The following PARVB variants were observed in gnomAD, a reference collection of about 807,000 sequenced individuals.
PARVB encodes the protein beta-parvin.
In PARVB, 46 loss-of-function variants were observed where a neutral mutation model predicts 47.0. That is an observed-to-expected ratio of 0.98 (90% confidence interval 0.77 to 1.25). The LOEUF is 1.25. Ranked by LOEUF, PARVB falls within the 50% of genes most tolerant of loss-of-function variation. The probability of loss-of-function intolerance (pLI) is 0.00; values close to 1 mark genes in which losing one functional copy is unlikely to be tolerated. For synonymous variants in PARVB, 196 were observed against 196.3 expected, an observed-to-expected ratio of 1.00 and a Z score of 0.01; for missense variants, 473 against 471.6, an observed-to-expected ratio of 1.00 and a Z score of -0.03.
chr22:44,129,670 G>A (rs539133401), intron 4 of PARVB, among the ~76,000 whole-genome samples: 8 of 152,358 alleles, frequency 5.3e-5, no homozygotes, highest in African/African-American at 1.9e-4. Flanking sequence ...GACAGCTGTG[G>A]ATGACTCAGC....
intron 2 of PARVB, among the ~76,000 whole-genome samples, chr22:44,007,372 A>G (rs537830024): frequency 1.1e-4 from 16 of 152,218 alleles, no homozygotes; most frequent in African/African-American, 2.9e-4. Context: ...CTGCACTCCC[A>G]CGCTGGAGGC....
chr22:44,078,313 A>C (rs5764508), intron 1 of PARVB, among the ~76,000 whole-genome samples: 1 of 152,290 alleles, frequency 6.6e-6, no homozygotes, highest in East Asian at 1.9e-4. Context: ...ACACACCCAG[A>C]TGAGTGGTTA....
chr22:44,078,629 G>A (rs2051830101), intron 1 of PARVB, among the ~76,000 whole-genome samples: 1 of 152,206 alleles, frequency 6.6e-6, no homozygotes, highest in Non-Finnish European at 1.5e-5. Context: ...GCCATGTGAA[G>A]TCACAGGTTC....
intron 3 of PARVB, among the ~76,000 whole-genome samples, chr22:44,102,600 G>A (rs1442350228): frequency 6.6e-6 from 1 of 152,094 alleles, no homozygotes; most frequent in African/African-American, 2.4e-5. Context: ...CGCCCTGGGA[G>A]GCCAAGGTTG....
chr22:44,160,973 G>A (rs1322763775), intron 11 of PARVB, among the ~76,000 whole-genome samples: 2 of 152,178 alleles, frequency 1.3e-5, no homozygotes, highest in Non-Finnish European at 2.9e-5. Context: ...AGGTGCACGG[G>A]AGAGGCACGT....
intron 1 of PARVB, among the ~76,000 whole-genome samples, chr22:44,031,893 G>A (rs77225738): frequency 0.018 from 2,661 of 152,018 alleles, 76 homozygotes; most frequent in African/African-American, 0.061. Flanking sequence ...TCTTCTTTTC[G>A]AACATGCGGT....
At position 44,046,620 on chromosome 22, in the gene PARVB, G is replaced by A. The variant is rs1416184798; in HGVS notation, c.112+22169G>A. ...ACAATCATTGAGCCTCGGCAGGCTGGCCCCGATGACATGTTATCTCCCCAC... is the reference window on the plus strand; with the variant it reads ...ACAATCATTGAGCCTCGGCAGGCTGACCCCGATGACATGTTATCTCCCCAC... On this transcript the variant is annotated intron_variant, in intron 1 of 12. Transcript: ENST00000338758. 2.0e-5 allele frequency among the ~76,000 whole-genome samples: 3 copies of A among 152,226 alleles called. No individual in the cohort carries two copies. In the South Asian group the frequency reaches 6.2e-4, roughly 32 times the overall value.
At chr22:44,077,025 C>T (rs1189172825) in intron 1 of PARVB, among the ~76,000 whole-genome samples, 2 of 152,176 alleles carry the variant, frequency 1.3e-5, no homozygotes, top group East Asian at 1.9e-4. Flanking sequence ...GGGTCCTGTG[C>T]CTGCCCGGGG....
At chr22:44,020,012 T>C (rs1038926581), upstream of PARVB, among the ~76,000 whole-genome samples, 1 of 151,892 alleles carries the variant, frequency 6.6e-6, no homozygotes, top group African/African-American at 2.4e-5. Flanking sequence ...CTGTGACTCC[T>C]GTGATGAACG....
chr22:44,100,109 A>G lies in PARVB; in HGVS notation c.259A>G (p.Lys87Glu). 3.7e-6 allele frequency: 6 copies of G among 1,613,448 alleles called. No homozygotes were observed. The highest frequency in any genetic ancestry group is 5.1e-6 in the Non-Finnish European group (6 of 1,179,390). The change falls in exon 3 of 13, where the codon AAG (lysine) becomes GAG (glutamate). Residue 87 changes from lysine to glutamate, a missense_variant. Transcript: ENST00000338758. Reference sequence around the variant, plus strand: ...CACTTCCAAGGAAGACCCCAAGTTCAAGGAACTGGTCAAGGTAAGGAGCTC... The same window carrying G: ...CACTTCCAAGGAAGACCCCAAGTTCGAGGAACTGGTCAAGGTAAGGAGCTC... ...DPTSKEDPKF[K>E]ELVKVLLDWI... is the part of the protein sequence containing the mutation.
chr22:44,023,523 AAAAT>A (rs985245163), upstream of PARVB, among the ~76,000 whole-genome samples: 2 of 99,686 alleles, frequency 2.0e-5, no homozygotes, highest in African/African-American at 8.8e-5. Flanking sequence ...AAAATAAAAT[AAAAT>A]AAAACAAAAC....
Position 44,068,332 on chromosome 22 carries a change from C to T in PARVB, c.113-25596C>T, listed in dbSNP as rs1341017239. ...AGGAACCCAGACCAGACAGAGAGCC[C>T]GCCTGTGTCACCTGGTAGGGAGGGG... On this transcript the variant is annotated intron_variant, in intron 1 of 12. Coordinates refer to ENST00000338758, the MANE Select transcript of PARVB (RefSeq NM_013327.5). The surrounding 1 kb of genome is among the most constrained non-coding windows in gnomAD (Gnocchi z 4.1). Among the ~76,000 whole-genome samples the T allele has an allele frequency of 6.6e-6, 1 of 152,108 alleles. No individual in the cohort carries two copies. The highest frequency in any genetic ancestry group is 1.5e-5 in the Non-Finnish European group (1 of 68,018).
chr22:44,072,466 A>G (rs1202229540), intron 1 of PARVB, among the ~76,000 whole-genome samples: 1 of 152,014 alleles, frequency 6.6e-6, no homozygotes, highest in Admixed American at 6.6e-5. Context: ...TTTGAGATGG[A>G]GTCTTGCCCT....
At chr22:44,032,064 T>C (rs958737591) in intron 1 of PARVB, among the ~76,000 whole-genome samples, 6 of 152,226 alleles carry the variant, frequency 3.9e-5, no homozygotes, top group African/African-American at 1.4e-4. Context: ...TGGAGGATAT[T>C]ATAAGCATAC....
chr22:44,094,021 C>T lies in PARVB; in HGVS notation c.202+4C>T, dbSNP rs764740818. ...CACCCTGAAGACACCCAGCTTGGTACGGGGGTTCCTCCGCTCCCTGCCCTG... is the reference window on the plus strand; with the variant it reads ...CACCCTGAAGACACCCAGCTTGGTATGGGGGTTCCTCCGCTCCCTGCCCTG... On this transcript the variant is annotated splice_donor_region_variant and intron_variant, in intron 2 of 12. Coordinates refer to ENST00000338758, the MANE Select transcript of PARVB (RefSeq NM_013327.5). 1.1e-5 allele frequency: 18 copies of T among 1,570,560 alleles called. No individual in the cohort carries two copies. The highest frequency in any genetic ancestry group is 4.5e-5 in the South Asian group (4 of 89,702).
At chr22:44,032,213 G>A (rs751574856) in intron 1 of PARVB, among the ~76,000 whole-genome samples, 1 of 152,170 alleles carries the variant, frequency 6.6e-6, no homozygotes, top group Non-Finnish European at 1.5e-5. Context: ...ATTCAAATGA[G>A]AGCCTTCTCT....
At chr22:44,003,831 T>C (rs1396207444) in intron 2 of PARVB, among the ~76,000 whole-genome samples, 2 of 152,202 alleles carry the variant, frequency 1.3e-5, no homozygotes, top group East Asian at 3.9e-4. Context: ...AGGTTTACCC[T>C]CCTCTTTAGC....
intron 7 of PARVB, 109 bp from the exon 8 acceptor site, chr22:44,140,015 G>A (rs1291954930): frequency 1.5e-4 from 18 of 119,432 alleles, no homozygotes; most frequent in Admixed American, 2.0e-4. Context: ...CCTGGGCAGC[G>A]AGGGCCCAGC....
chr22:44,023,631 G>T (rs957422679), upstream of PARVB, among the ~76,000 whole-genome samples: 3 of 151,954 alleles, frequency 2.0e-5, no homozygotes, highest in African/African-American at 7.3e-5. Context: ...CAGTCCTCGG[G>T]ATGAAGCCGT....
Sources: gnomAD v4.1 joint callset for allele counts (sites outside exome capture counted in the v4.1 genomes callset) on GRCh38, gnomAD v4.1.1 for gene constraint, Gnocchi (gnomAD v3.1) non-coding constraint, MANE v1.5 for transcripts, NCBI Gene and HGNC (gene_info 2026-07-23, HGNC 2026-07-21) for gene names.